The following C11orf65 variants were observed in gnomAD, a reference collection of about 807,000 sequenced individuals.
C11orf65 encodes the protein chromosome 11 open reading frame 65.
Under a neutral mutation model 35.3 loss-of-function variants are expected in C11orf65, and 38 were observed. The observed-to-expected ratio is 1.08, with a 90% CI of 0.83 to 1.41. The LOEUF (loss-of-function observed/expected upper bound fraction) is 1.41. Among genes scored for constraint, C11orf65 ranks in the 40% most tolerant of loss-of-function variants. The pLI, the probability that C11orf65 is intolerant of heterozygous loss-of-function variation, is 0.00. For missense variants in C11orf65, 370 were observed against 367.1 expected, an observed-to-expected ratio of 1.01 and a Z score of -0.06; for synonymous variants, 105 against 114.4, an observed-to-expected ratio of 0.92 and a Z score of 0.53.
intron 2 of C11orf65, among the ~76,000 whole-genome samples, chr11:108,432,904 A>G (rs185881057): frequency 3.4e-4 from 52 of 152,222 alleles, no homozygotes; most frequent in African/African-American, 1.2e-3. Flanking sequence ...AAACCACCCT[A>G]AAACTTAGTG....
intron 2 of C11orf65, among the ~76,000 whole-genome samples, chr11:108,460,168 T>C (rs985238599): frequency 2.0e-5 from 3 of 152,216 alleles, no homozygotes; most frequent in African/African-American, 7.2e-5. Flanking sequence ...ATAGGTTTTA[T>C]GGCCTTGGTA....
chr11:108,468,107 AAGTGCT>A (rs2093558660), upstream of C11orf65, among the ~76,000 whole-genome samples: 1 of 152,096 alleles, frequency 6.6e-6, no homozygotes, highest in Admixed American at 6.5e-5. Context: ...TGGCCTCCCA[AAGTGCT>A]AGGATTACAG....
At chr11:108,457,963 A>G (rs996128992) in intron 2 of C11orf65, among the ~76,000 whole-genome samples, 2 of 152,030 alleles carry the variant, frequency 1.3e-5, no homozygotes, top group Admixed American at 6.6e-5. Context: ...ATCTTAGAAC[A>G]ATTTTAATCT....
chr11:108,450,788 T>A (rs138762323), intron 2 of C11orf65, among the ~76,000 whole-genome samples: 3,575 of 150,864 alleles, frequency 0.024, 175 homozygotes, highest in African/African-American at 0.077. Context: ...AATAAAATTT[T>A]AAAAAAAAGC....
chr11:108,366,715 A>G (rs2091351176), intron 2 of C11orf65: 1 of 231,148 alleles, frequency 4.3e-6, no homozygotes, highest in African/African-American at 2.2e-5. Context: ...TCCCAGGCCA[A>G]GGCAAACACA....
Position 108,350,314 on chromosome 11 carries a change from T to C in C11orf65, c.227-15022A>G, listed in dbSNP as rs570510441. Among the ~76,000 whole-genome samples the C allele has an allele frequency of 6.6e-5, 10 of 152,284 alleles. No individual in the cohort carries two copies. In the South Asian group the frequency reaches 1.2e-3, roughly 19 times the overall value. Reference sequence around the variant, plus strand: ...GCACTGATGAGAGTAATCAAACTTATTGTCTCTACCCCTGGGCTGAGTTAG... The same window carrying C: ...GCACTGATGAGAGTAATCAAACTTACTGTCTCTACCCCTGGGCTGAGTTAG... On this transcript the variant is annotated intron_variant, in intron 2 of 3. Coordinates refer to the C11orf65 transcript ENST00000524755.
At chr11:108,400,845 G>C (rs2092425886) in intron 6 of C11orf65, among the ~76,000 whole-genome samples, 2 of 152,142 alleles carry the variant, frequency 1.3e-5, no homozygotes. Flanking sequence ...GGTGGCTCAT[G>C]CCTGTAATCC....
intron 1 of C11orf65, among the ~76,000 whole-genome samples, chr11:108,466,835 CT>C (rs1487187671): frequency 1.3e-5 from 2 of 152,196 alleles, no homozygotes; most frequent in African/African-American, 4.8e-5. Context: ...ACAATCTTTA[CT>C]TTGCTTGAAT....
At chr11:108,445,355 C>G (rs549992679) in intron 2 of C11orf65, among the ~76,000 whole-genome samples, 1 of 152,190 alleles carries the variant, frequency 6.6e-6, no homozygotes, top group Non-Finnish European at 1.5e-5. Context: ...AGGCACCCCC[C>G]AGTAAGGGCA....
intron 6 of C11orf65, chr11:108,316,170 CA>C: frequency 4.1e-6 from 6 of 1,465,808 alleles, no homozygotes; most frequent in Non-Finnish European, 9.5e-7. Flanking sequence ...GAGGTTATTT[CA>C]GTATGTTGGT....
intron 5 of C11orf65, 34 bp downstream of exon 5, chr11:108,406,729 G>C (rs746931850): frequency 7.3e-7 from 1 of 1,361,872 alleles, no homozygotes; most frequent in Non-Finnish European, 1.0e-6. Flanking sequence ...TTCTAAATAC[G>C]TAAGGTTAAA....
At chr11:108,388,459 A>T (rs1487924700) in intron 7 of C11orf65, among the ~76,000 whole-genome samples, 1 of 152,200 alleles carries the variant, frequency 6.6e-6, no homozygotes, top group Non-Finnish European at 1.5e-5. Context: ...GCAGTCTACA[A>T]TGAATCCATT....
chr11:108,316,320 A>G (rs553346715), intron 6 of C11orf65, among the ~76,000 whole-genome samples: 30 of 152,312 alleles, frequency 2.0e-4, no homozygotes, highest in African/African-American at 6.7e-4. Flanking sequence ...GAGACACAGG[A>G]AAGTCAGACA....
intron 2 of C11orf65, among the ~76,000 whole-genome samples, chr11:108,450,198 G>C (rs1342772642): frequency 6.6e-6 from 1 of 151,976 alleles, no homozygotes; most frequent in Non-Finnish European, 1.5e-5. Context: ...CTGTAAACTA[G>C]TTCAACCATT....
At chr11:108,456,074 G>A (rs2135711125) in intron 2 of C11orf65, among the ~76,000 whole-genome samples, 1 of 152,200 alleles carries the variant, frequency 6.6e-6, no homozygotes, top group South Asian at 2.1e-4. Context: ...AGAATTGCTT[G>A]AACCTGGGAG....
Position 108,343,210 on chromosome 11 carries a change from CTG to C in C11orf65, c.227-7920_227-7919del, listed in dbSNP as rs587780641. On this transcript the variant is annotated intron_variant, in intron 2 of 3. Transcript: ENST00000524755. ...CTTTTAAAATTAAAAGGTATTTAAT[CTG>C]TAACTCCAGGTGGTTCCCCTCTCTC... 11 of 1,613,610 alleles carry C rather than the reference CTG, an allele frequency of 6.8e-6. No individual in the cohort carries two copies. Among genetic ancestry groups the C allele is most frequent in the Non-Finnish European group, 9.3e-6 (11 of 1,179,762 alleles).
chr11:108,310,427 G>C, intron 6 of C11orf65: 1 of 1,028,266 alleles, frequency 9.7e-7, no homozygotes, highest in Non-Finnish European at 1.4e-6. Context: ...AGATATTTTA[G>C]ATAGAAATTT....
intron 3 of C11orf65, among the ~76,000 whole-genome samples, chr11:108,422,690 T>G (rs959252019): frequency 6.6e-6 from 1 of 152,128 alleles, no homozygotes; most frequent in Non-Finnish European, 1.5e-5. Flanking sequence ...GAGACCATCC[T>G]GGCTAACATG....
At chr11:108,313,160 A>G (rs981628543) in intron 6 of C11orf65, among the ~76,000 whole-genome samples, 1 of 152,176 alleles carries the variant, frequency 6.6e-6, no homozygotes, top group East Asian at 1.9e-4. Context: ...TTATCCTTCT[A>G]TTTGAGACTA....
Sources: allele counts gnomAD v4.1 joint callset (sites outside exome capture counted in the v4.1 genomes callset), GRCh38; gene constraint gnomAD v4.1.1; transcripts MANE v1.5; gene names NCBI Gene and HGNC (gene_info 2026-07-23, HGNC 2026-07-21).